The following EDC4 variants were observed in gnomAD, a reference collection of about 807,000 sequenced individuals.
EDC4 encodes the protein enhancer of mRNA-decapping protein 4.
A neutral mutation model predicts 155.8 loss-of-function variants in EDC4; 64 were observed. The observed-to-expected ratio is 0.41, with a 90% confidence interval of 0.34 to 0.51. The LOEUF (loss-of-function observed/expected upper bound fraction) is 0.51. EDC4 is among the 20% of genes least tolerant of loss of function. The pLI, the probability that EDC4 is intolerant of heterozygous loss-of-function variation, is 0.19. For missense variants in EDC4, 1,303 were observed against 1,812.5 expected, an observed-to-expected ratio of 0.72 and a Z score of 5.10; for synonymous variants, 684 against 716.8, an observed-to-expected ratio of 0.95 and a Z score of 0.73.
In EDC4 at chr16:67,878,258, G is replaced by C; in HGVS notation, c.987G>C (p.Glu329Asp). The C allele has an allele frequency of 6.2e-7, 1 of 1,614,222 alleles. No individual in the cohort carries two copies. The change falls in exon 8 of 29, where the codon GAG becomes GAC. Residue 329 changes from glutamate to aspartate, a missense_variant. Transcript: ENST00000358933. The surrounding 1 kb of genome is among the most constrained non-coding windows in gnomAD (Gnocchi z 5.2). The part of the protein sequence containing the change: ...GYVKFWQIYI[E>D]GQDEPRCLHE... ...TCAAGTTCTGGCAGATCTACATTGAGGGGCAAGATGAGCCAAGGTAAGGCA... is the reference window on the plus strand; with the variant it reads ...TCAAGTTCTGGCAGATCTACATTGACGGGCAAGATGAGCCAAGGTAAGGCA...
At position 67,882,697 on chromosome 16, in the gene EDC4, G is replaced by A. The variant is rs749281818; in HGVS notation, c.3461G>A (p.Ser1154Asn). 1 of 1,614,234 alleles carries A rather than the reference G, an allele frequency of 6.2e-7. No homozygotes were observed. The highest frequency in any genetic ancestry group is 1.7e-5 in the Admixed American group (1 of 60,026). Residue 1154 changes from serine (S) to asparagine (N), a missense_variant, in exon 26 of 29, where the codon AGC becomes AAC. By Grantham distance (46) the Ser-to-Asn change is conservative. Transcript: ENST00000358933. The surrounding 1 kb of genome is among the most constrained non-coding windows in gnomAD (Gnocchi z 7.2). ...CCCTCAGACTTGCAGCAGCTAGAAA[G>A]CCACATGAAGAGCCGGAAGGCACGG... ...GTQEYLQQLE[S>N]HMKSRKAREQ...
chr16:67,882,856 CTGTGGGCAGGTG>C lies in EDC4; in HGVS notation c.3629+1_3629+12del. 1 of 1,614,130 alleles carries C rather than the reference CTGTGGGCAGGTG, an allele frequency of 6.2e-7. No homozygotes were observed. The highest frequency in any genetic ancestry group is 8.5e-7 in the Non-Finnish European group (1 of 1,180,038). The stretch of plus-strand genomic sequence containing the variant: ...GAGGTGCAGCACCAGCTGCATGTGG[CTGTGGGCAGGTG>C]TGTGGGCAGAGTACTGGGCAAGGTG... On this transcript the variant is annotated splice_donor_variant and splice_donor_region_variant and coding_sequence_variant and intron_variant, in exon 26 of 29. Coordinates refer to ENST00000358933, the MANE Select transcript of EDC4 (RefSeq NM_014329.5). LOFTEE classifies it high-confidence loss of function. This position sits in a 1 kb window ranked among gnomAD's most constrained non-coding sequence, Gnocchi z 7.2.
chr16:67,881,036 A>G lies in EDC4; in HGVS notation c.2532-40A>G, dbSNP rs763076117. On this transcript the variant is annotated intron_variant, in intron 18 of 28. Coordinates refer to ENST00000358933, the MANE Select transcript of EDC4 (RefSeq NM_014329.5). The surrounding 1 kb of genome is among the most constrained non-coding windows in gnomAD (Gnocchi z 5.4). Reference sequence around the variant, plus strand: ...AAAGTGTGCTAGCAGGAGGGGCTTCAGATAGATTCATCCATGGCTAAGTTG... The same window carrying G: ...AAAGTGTGCTAGCAGGAGGGGCTTCGGATAGATTCATCCATGGCTAAGTTG... 6.2e-7 allele frequency: 1 copy of G among 1,613,974 alleles called. No homozygotes were observed. Among genetic ancestry groups the G allele is most frequent in the Non-Finnish European group, 8.5e-7 (1 of 1,180,006 alleles).
At position 67,883,432 on chromosome 16, in the gene EDC4, A is replaced by T. The variant is rs1383859651; in HGVS notation, c.3850-136A>T. ...TCCCCTAGGGTAACTACACAGCCCT[A>T]CAGGCTCTCTCTGAGTCCCTCTGGA... On this transcript the variant is annotated intron_variant, in intron 27 of 28. Transcript: ENST00000358933. This position sits in a 1 kb window ranked among gnomAD's most constrained non-coding sequence, Gnocchi z 5.3. 7 of 1,404,694 alleles carry T rather than the reference A, an allele frequency of 5.0e-6. No individual in the cohort carries two copies. Among genetic ancestry groups the T allele is most frequent in the Non-Finnish European group, 6.8e-6 (7 of 1,027,228 alleles). The allele number at this position is 1,404,694 out of a possible 1,614,324, so 87.0% of individuals were successfully genotyped here. A position where few individuals can be genotyped will look rare whatever the true frequency, so the allele number is the denominator to read the frequency against.
At position 67,881,316 on chromosome 16, in the gene EDC4, C is replaced by G. The variant is rs138365339; in HGVS notation, c.2688C>G (p.Gly896=). Residue 896 remains glycine (G), a synonymous_variant, in exon 20 of 29, where the codon GGC becomes GGG. Transcript: ENST00000358933. The surrounding 1 kb of genome is among the most constrained non-coding windows in gnomAD (Gnocchi z 5.4). ...ASLASASGGF[G]TKVPAPRLPA... ...TTGCCTCTGCTTCAGGAGGCTTTGG[C>G]ACCAAAGTTCCTGCTCCACGGCTGC... 8 of 1,614,008 alleles carry G rather than the reference C, an allele frequency of 5.0e-6. No individual in the cohort carries two copies. In the African/African-American group the frequency reaches 1.1e-4, roughly 22 times the overall value.
Position 67,881,468 on chromosome 16 carries a change from T to C in EDC4, c.2790-29T>C, listed in dbSNP as rs1401555148. Reference sequence around the variant, plus strand: ...AGGGTGGTCTCTAGGCTGCCTCACATAGCCTGAGGTGCTTCTCGCCTATGG... The same window carrying C: ...AGGGTGGTCTCTAGGCTGCCTCACACAGCCTGAGGTGCTTCTCGCCTATGG... On this transcript the variant is annotated intron_variant, in intron 20 of 28. Transcript: ENST00000358933. This position sits in a 1 kb window ranked among gnomAD's most constrained non-coding sequence, Gnocchi z 5.4. 1 of 1,614,010 alleles carries C rather than the reference T, an allele frequency of 6.2e-7. No individual in the cohort carries two copies. The highest frequency in any genetic ancestry group is 8.5e-7 in the Non-Finnish European group (1 of 1,180,022).
rs760220503 is a variant in EDC4 at position 67,878,402 on chromosome 16, C to T, written c.1047C>T (p.Ser349=). 1 of 1,614,234 alleles carries T rather than the reference C, an allele frequency of 6.2e-7. No individual in the cohort carries two copies. Among genetic ancestry groups the T allele is most frequent in the African/African-American group, 1.3e-5 (1 of 75,064 alleles). ...EWKPHDGRPL[S]CLLFCDNHKK... ...AACCTCATGATGGGCGGCCCCTCTCCTGCCTCCTGTTCTGTGACAACCATA... is the reference window on the plus strand; with the variant it reads ...AACCTCATGATGGGCGGCCCCTCTCTTGCCTCCTGTTCTGTGACAACCATA... Residue 349 remains serine (S), a synonymous_variant, in exon 9 of 29, where the codon TCC becomes TCT. Coordinates refer to ENST00000358933, the MANE Select transcript of EDC4 (RefSeq NM_014329.5). The surrounding 1 kb of genome is among the most constrained non-coding windows in gnomAD (Gnocchi z 5.2).
chr16:67,880,730 C>T lies in EDC4; in HGVS notation c.2271C>T (p.Gly757=). The T allele has an allele frequency of 1.2e-6, 2 of 1,614,232 alleles. No individual in the cohort carries two copies. Among genetic ancestry groups the T allele is most frequent in the Non-Finnish European group, 1.7e-6 (2 of 1,180,036 alleles). Residue 757 remains glycine, a synonymous_variant, in exon 18 of 29, where the codon GGC becomes GGT. Coordinates refer to ENST00000358933, the MANE Select transcript of EDC4 (RefSeq NM_014329.5). The surrounding 1 kb of genome is among the most constrained non-coding windows in gnomAD (Gnocchi z 5.2). Reference sequence around the variant, plus strand: ...CTGAGGCCCTGTCCCGTGGTTTTGGCTCCTCTGCACCAGAGGGCCTTGAGC... The same window carrying T: ...CTGAGGCCCTGTCCCGTGGTTTTGGTTCCTCTGCACCAGAGGGCCTTGAGC... ...IASEALSRGF[G]SSAPEGLEPD...
rs772661586 is a variant in EDC4, at chr16:67,881,933, C to G, written c.3005-21C>G. ...AGGAGTACACGACCTGCTCCAGGCC[C>G]GTTCCTTAGCTATGGCGCAGAGCGG... On this transcript the variant is annotated intron_variant, in intron 22 of 28. Coordinates refer to ENST00000358933, the MANE Select transcript of EDC4 (RefSeq NM_014329.5). This position sits in a 1 kb window ranked among gnomAD's most constrained non-coding sequence, Gnocchi z 5.4. 1.9e-6 allele frequency: 3 copies of G among 1,603,760 alleles called. No individual in the cohort carries two copies.
At position 67,879,515 on chromosome 16, in the gene EDC4, G is replaced by C. The variant is rs753982282; in HGVS notation, c.1633+12G>C. On this transcript the variant is annotated intron_variant, in intron 14 of 28. Coordinates refer to ENST00000358933, the MANE Select transcript of EDC4 (RefSeq NM_014329.5). This position sits in a 1 kb window ranked among gnomAD's most constrained non-coding sequence, Gnocchi z 6.0. ...CCACGAGGACTTCAGTGAGTAGGGC[G>C]TGAGAGGGAGGTAGGGTAAGTTGGA... 1.2e-6 allele frequency: 2 copies of C among 1,614,112 alleles called. No homozygotes were observed. Among genetic ancestry groups the C allele is most frequent in the Admixed American group, 3.3e-5 (2 of 60,012 alleles).
Position 67,883,854 on chromosome 16 carries a change from C to G in EDC4, c.4014-102C>G, listed in dbSNP as rs1375331723. On this transcript the variant is annotated intron_variant, in intron 28 of 28. Transcript: ENST00000358933. The surrounding 1 kb of genome is among the most constrained non-coding windows in gnomAD (Gnocchi z 5.3). ...CCCTAATTTTCTCCACCAGTCCTTT[C>G]TGCCTTCACCCAGAGGGTTCCCTCT... 1.4e-5 allele frequency: 22 copies of G among 1,536,462 alleles called. No homozygotes were observed. The East Asian group carries it at 5.0e-4, about 35-fold the overall frequency.
At chr16:67,875,234 C>A (rs1202828446) in intron 1 of EDC4, among the ~76,000 whole-genome samples, 7 of 152,200 alleles carry the variant, frequency 4.6e-5, no homozygotes, top group African/African-American at 1.7e-4. Context: ...TCCTTTTGGT[C>A]CAGCTCCTTT....
At chr16:67,874,971 T>C (rs1490789543) in intron 1 of EDC4, among the ~76,000 whole-genome samples, 1 of 152,148 alleles carries the variant, frequency 6.6e-6, no homozygotes, top group African/African-American at 2.4e-5. Context: ...TCCCAGCTAC[T>C]TGGGAGGCTG....
At chr16:67,875,065 T>C (rs1393886756) in intron 1 of EDC4, among the ~76,000 whole-genome samples, 1 of 152,194 alleles carries the variant, frequency 6.6e-6, no homozygotes, top group African/African-American at 2.4e-5. Context: ...CTGTTGTGAC[T>C]GGAAACTTGC....
At position 67,879,295 on chromosome 16, in the gene EDC4, T is replaced by C; in HGVS notation, c.1527T>C (p.Phe509=). Residue 509 remains phenylalanine (F), a synonymous_variant, in exon 13 of 29, where the codon TTT becomes TTC. Coordinates refer to ENST00000358933, the MANE Select transcript of EDC4 (RefSeq NM_014329.5). The surrounding 1 kb of genome is among the most constrained non-coding windows in gnomAD (Gnocchi z 6.0). ...ESAAGVLIKL[F]CVHTKALQDV... ...CGGCCGGTGTGCTCATCAAGCTCTT[T>C]TGTGTGCATACTAAGTGAGTGAGTG... 1 of 1,614,178 alleles carries C rather than the reference T, an allele frequency of 6.2e-7. No individual in the cohort carries two copies. Among genetic ancestry groups the C allele is most frequent in the South Asian group, 1.1e-5 (1 of 91,082 alleles).
At chr16:67,873,934 A>G (rs1187483064) in intron 1 of EDC4, among the ~76,000 whole-genome samples, 1 of 152,168 alleles carries the variant, frequency 6.6e-6, no homozygotes, top group Non-Finnish European at 1.5e-5. Context: ...ATTGGTTCCC[A>G]TTCATTCATA....
chr16:67,882,876 AG>A lies in EDC4; in HGVS notation c.3629+12del. On this transcript the variant is annotated intron_variant, in intron 26 of 28. Coordinates refer to ENST00000358933, the MANE Select transcript of EDC4 (RefSeq NM_014329.5). The surrounding 1 kb of genome is among the most constrained non-coding windows in gnomAD (Gnocchi z 7.2). The stretch of plus-strand genomic sequence containing the variant: ...TGTGGCTGTGGGCAGGTGTGTGGGC[AG>A]AGTACTGGGCAAGGTGGTGGGCTTG... The A allele has an allele frequency of 6.2e-7, 1 of 1,614,156 alleles. No homozygotes were observed. The highest frequency in any genetic ancestry group is 1.1e-5 in the South Asian group (1 of 91,088).
chr16:67,874,612 C>T (rs555462539), intron 1 of EDC4, among the ~76,000 whole-genome samples: 1 of 152,300 alleles, frequency 6.6e-6, no homozygotes, highest in South Asian at 2.1e-4. Flanking sequence ...TCATGGTACC[C>T]TTCATGGAAG....
At position 67,881,870 on chromosome 16, in the gene EDC4, C is replaced by T; in HGVS notation, c.3004+25C>T. ...CGTATCCTTGAGACTGGTAGCACAA[C>T]ATGGCATAGGGACGGGGGCAGCATT... On this transcript the variant is annotated intron_variant, in intron 22 of 28. Coordinates refer to ENST00000358933, the MANE Select transcript of EDC4 (RefSeq NM_014329.5). The surrounding 1 kb of genome is among the most constrained non-coding windows in gnomAD (Gnocchi z 5.4). The T allele has an allele frequency of 6.2e-7, 1 of 1,608,278 alleles. No homozygotes were observed. Among genetic ancestry groups the T allele is most frequent in the Non-Finnish European group, 8.5e-7 (1 of 1,175,180 alleles).
Sources: gnomAD v4.1 joint callset for allele counts (sites outside exome capture counted in the v4.1 genomes callset) on GRCh38, gnomAD v4.1.1 for gene constraint, Gnocchi (gnomAD v3.1) non-coding constraint, MANE v1.5 for transcripts, NCBI Gene and HGNC (gene_info 2026-07-23, HGNC 2026-07-21) for gene names.